The following EPHA5 variants were observed in gnomAD, a reference collection of about 807,000 sequenced individuals.
EPHA5 encodes the protein ephrin type-A receptor 5.
Under a neutral mutation model 105.0 loss-of-function variants are expected in EPHA5, and 60 were observed. That is an observed-to-expected ratio of 0.57 (90% CI 0.46 to 0.71). EPHA5 has a LOEUF of 0.71. EPHA5 is among the 30% of genes least tolerant of loss of function. EPHA5 has a pLI of 0.00. For synonymous variants in EPHA5, 513 were observed against 449.1 expected (o/e 1.14, Z -1.80); for missense variants, 1,218 against 1,274.7 (o/e 0.96, Z 0.68).
At chr4:65,379,163 G>A (rs1719310081) in intron 8 of EPHA5, among the ~76,000 whole-genome samples, 1 of 151,680 alleles carries the variant, frequency 6.6e-6, no homozygotes, top group Admixed American at 6.6e-5. Flanking sequence ...CTAACACTTG[G>A]TCAGTGAAAT....
intron 8 of EPHA5, among the ~76,000 whole-genome samples, chr4:65,394,634 G>A (rs759754496): frequency 9.2e-5 from 14 of 152,096 alleles, no homozygotes; most frequent in Non-Finnish European, 2.1e-4. Flanking sequence ...TCTGTGTCAA[G>A]GAAGTTTTAG....
chr4:65,336,634 C>G (rs753203859), intron 14 of EPHA5, among the ~76,000 whole-genome samples: 2 of 152,072 alleles, frequency 1.3e-5, no homozygotes, highest in Non-Finnish European at 2.9e-5. Context: ...GCATAACTGT[C>G]TCATGTATCA....
intron 6 of EPHA5, among the ~76,000 whole-genome samples, chr4:65,416,635 C>T (rs1723410767): frequency 6.6e-6 from 1 of 152,144 alleles, no homozygotes; most frequent in Admixed American, 6.5e-5. Flanking sequence ...GGCTGCTGCT[C>T]CTTGAAATAA....
rs1237822654 is a variant in EPHA5 at position 65,348,811 on chromosome 4, A to ATTTT, written c.2446-609_2446-608insAAAA. 4.7e-3 allele frequency among the ~76,000 whole-genome samples: 266 copies of ATTTT among 56,362 alleles called. 15 individuals are homozygous for ATTTT. Among genetic ancestry groups the ATTTT allele is most frequent in the South Asian group, 5.8e-3 (10 of 1,714 alleles). The allele number at this position is 56,362 out of a possible 152,430, so 37.0% of individuals were successfully genotyped here. ...TGTGTGTGTATATATATATATATAT[A>ATTTT]TATATTTTTTTTTTTTTTTTTTGAG... On this transcript the variant is annotated intron_variant, in intron 13 of 16. Transcript: ENST00000613740.
At chr4:65,652,976 G>A (rs1748742946) in intron 1 of EPHA5, among the ~76,000 whole-genome samples, 1 of 151,746 alleles carries the variant, frequency 6.6e-6, no homozygotes, top group Non-Finnish European at 1.5e-5. Context: ...GTCCTAAACA[G>A]GCAAAAGGTA....
intron 1 of EPHA5, among the ~76,000 whole-genome samples, chr4:65,660,172 T>G (rs1213035576): frequency 2.0e-5 from 3 of 152,122 alleles, no homozygotes; most frequent in African/African-American, 4.8e-5. Flanking sequence ...TGTGGCAAAA[T>G]TTTTTAAAAA....
intron 8 of EPHA5, among the ~76,000 whole-genome samples, chr4:65,390,358 A>G (rs1179006940): frequency 6.6e-6 from 1 of 151,976 alleles, no homozygotes; most frequent in Non-Finnish European, 1.5e-5. Flanking sequence ...ACTAGCCAAT[A>G]TACTTTCACA....
chr4:65,412,849 G>T, intron 7 of EPHA5, among the ~76,000 whole-genome samples: 1 of 152,064 alleles, frequency 6.6e-6, no homozygotes, highest in East Asian at 1.9e-4. Flanking sequence ...AAAACCAGTT[G>T]CTGAATGTGC....
intron 3 of EPHA5, among the ~76,000 whole-genome samples, chr4:65,545,932 C>G (rs1204331587): frequency 6.6e-6 from 1 of 151,826 alleles, no homozygotes; most frequent in African/African-American, 2.4e-5. Flanking sequence ...TGAAATGTCC[C>G]ATTTACTATA....
intron 2 of EPHA5, 58 bp downstream of exon 2, chr4:65,643,305 A>G: frequency 6.9e-6 from 9 of 1,312,506 alleles, no homozygotes; most frequent in Non-Finnish European, 6.6e-6. Flanking sequence ...CTGTGTTACA[A>G]GTATCAAGAT....
intron 3 of EPHA5, among the ~76,000 whole-genome samples, chr4:65,550,062 C>T (rs1262814917): frequency 6.6e-6 from 1 of 151,322 alleles, no homozygotes; most frequent in Non-Finnish European, 1.5e-5. Context: ...TGAAACACAC[C>T]CACAAAAATC....
At chr4:65,496,756 G>A (rs868019745) in intron 3 of EPHA5, among the ~76,000 whole-genome samples, 3 of 152,208 alleles carry the variant, frequency 2.0e-5, no homozygotes, top group African/African-American at 4.8e-5. Context: ...GTAATGGGAT[G>A]GCTTATGTCT....
At chr4:65,368,990 A>G (rs1718194306) in intron 8 of EPHA5, among the ~76,000 whole-genome samples, 2 of 152,156 alleles carry the variant, frequency 1.3e-5, no homozygotes, top group African/African-American at 4.8e-5. Flanking sequence ...GGAGCACAGT[A>G]GCTTTCTGCA....
chr4:65,647,765 T>C (rs1190286497), intron 1 of EPHA5, among the ~76,000 whole-genome samples: 1 of 152,152 alleles, frequency 6.6e-6, no homozygotes, highest in Non-Finnish European at 1.5e-5. Context: ...ATTGTATAAT[T>C]ATGATTAAGA....
At chr4:65,597,449 AT>A (rs1244258246) in intron 3 of EPHA5, among the ~76,000 whole-genome samples, 1 of 90,292 alleles carries the variant, frequency 1.1e-5, no homozygotes, top group East Asian at 3.1e-4. Flanking sequence ...TTTGCTAACC[AT>A]TTTTTACTAA....
intron 16 of EPHA5, among the ~76,000 whole-genome samples, chr4:65,327,394 T>C (rs375802274): frequency 7.3e-5 from 11 of 151,182 alleles, no homozygotes; most frequent in African/African-American, 2.4e-4. Context: ...TCCTCTTCCT[T>C]TTACTTCTCT....
In EPHA5 at chr4:65,669,676, TG is replaced by T; in HGVS notation, c.66del (p.Ile23SerfsTer39). ...CAGCCGGCCAGGGACGCTGGGGTGA[TG>T]GGGGTGTCGCCGCCGCCGCTTGGGG... The part of the protein sequence containing the change: ...RRPPSGGGDT[P>X]ITPASLAGCY... On this transcript the variant is annotated frameshift_variant, in exon 1 of 17. Transcript: ENST00000613740. LOFTEE classifies it high-confidence loss of function. 2.2e-6 allele frequency: 3 copies of T among 1,337,074 alleles called. No homozygotes were observed. Among genetic ancestry groups the T allele is most frequent in the South Asian group, 4.4e-5 (2 of 45,486 alleles). 82.8% of individuals were successfully genotyped at this position (1,337,074 alleles called of 1,614,324 possible). A position where few individuals can be genotyped will look rare whatever the true frequency, so the allele number is the denominator to read the frequency against.
chr4:65,496,828 T>C (rs1314787392), intron 3 of EPHA5, among the ~76,000 whole-genome samples: 1 of 152,162 alleles, frequency 6.6e-6, no homozygotes, highest in Non-Finnish European at 1.5e-5. Flanking sequence ...AAGAGTTCTA[T>C]GAAATGTGTG....
intron 4 of EPHA5, among the ~76,000 whole-genome samples, chr4:65,493,972 A>G (rs1731677227): frequency 6.6e-6 from 1 of 152,226 alleles, no homozygotes; most frequent in Non-Finnish European, 1.5e-5. Flanking sequence ...CTATTTGGGC[A>G]TTCATTTGCT....
Sources: allele counts gnomAD v4.1 joint callset (sites outside exome capture counted in the v4.1 genomes callset), GRCh38; gene constraint gnomAD v4.1.1; transcripts MANE v1.5; gene names NCBI Gene and HGNC (gene_info 2026-07-23, HGNC 2026-07-21).